RGS7: variants seen among roughly 807,000 people sequenced by gnomAD.
The protein encoded by RGS7 is regulator of G-protein signaling 7.
A neutral mutation model predicts 81.1 loss-of-function variants in RGS7; 27 were observed. That is an observed-to-expected ratio of 0.33 (90% CI 0.25 to 0.46). The LOEUF is 0.46. Ranked by LOEUF, RGS7 falls within the 20% of genes least tolerant of loss-of-function variation. The pLI is 1.00. For missense variants in RGS7, 396 were observed against 607.4 expected (o/e 0.65, Z 3.66); for synonymous variants, 208 against 207.7 (o/e 1.00, Z -0.01).
At chr1:240,885,443 A>G (rs1369023949) in intron 6 of RGS7, among the ~76,000 whole-genome samples, 7 of 152,184 alleles carry the variant, frequency 4.6e-5, no homozygotes, top group Admixed American at 3.9e-4. Context: ...ATAAAGACAC[A>G]TGCCAATGTT....
intron 2 of RGS7, among the ~76,000 whole-genome samples, chr1:241,182,943 T>A (rs2071763034): frequency 7.0e-6 from 1 of 143,710 alleles, no homozygotes; most frequent in Non-Finnish European, 1.6e-5. Context: ...CAAACGTTTT[T>A]CTTTTTTTTT....
In RGS7 at chr1:240,816,380, G is replaced by C. The variant is rs760219259; in HGVS notation, c.720C>G (p.His240Gln). Residue 240 changes from histidine to glutamine, a missense_variant, in exon 11 of 19, where the codon CAC becomes CAG. Coordinates refer to ENST00000440928, the MANE Select transcript of RGS7 (RefSeq NM_001364886.1). ...VYGLQNDIRS[H>Q]SPTHTPTPET... is the part of the protein sequence containing the mutation. Reference sequence around the variant, plus strand: ...CTGGTGTGGGTGTGTGGGTAGGACTGTGACTTCTAATATCATTTTGTAAAC... The same window carrying C: ...CTGGTGTGGGTGTGTGGGTAGGACTCTGACTTCTAATATCATTTTGTAAAC... The C allele has an allele frequency of 1.9e-6, 3 of 1,610,304 alleles. No homozygotes were observed. The South Asian group carries it at 3.3e-5, about 18-fold the overall frequency.
intron 2 of RGS7, among the ~76,000 whole-genome samples, chr1:241,209,724 C>A (rs2074134139): frequency 1.3e-5 from 2 of 152,194 alleles, no homozygotes; most frequent in South Asian, 4.2e-4. Flanking sequence ...GTAGTCCCAG[C>A]TACTCAGGAG....
At chr1:240,888,863 G>A (rs139051656) in intron 6 of RGS7, among the ~76,000 whole-genome samples, 36 of 152,218 alleles carry the variant, frequency 2.4e-4, no homozygotes, top group African/African-American at 8.2e-4. Flanking sequence ...TAGGGAACGC[G>A]GAGGCAGAGA....
chr1:241,086,377 G>A (rs2063445928), intron 3 of RGS7, among the ~76,000 whole-genome samples: 1 of 152,046 alleles, frequency 6.6e-6, no homozygotes, highest in South Asian at 2.1e-4. Context: ...TGTTGGTAGG[G>A]CCTTCTCCCT....
chr1:240,794,488 G>A (rs1269815098), intron 18 of RGS7, among the ~76,000 whole-genome samples: 2 of 152,182 alleles, frequency 1.3e-5, no homozygotes, highest in Non-Finnish European at 2.9e-5. Flanking sequence ...GATTATTTAT[G>A]GGGAACAAAT....
At chr1:241,225,696 TCTTAAAGTTC>T (rs1247999188) in intron 2 of RGS7, among the ~76,000 whole-genome samples, 1 of 152,212 alleles carries the variant, frequency 6.6e-6, no homozygotes, top group Non-Finnish European at 1.5e-5. Context: ...TTAGTAAGTA[TCTTAAAGTTC>T]ATGTTGACAG....
chr1:241,282,207 A>G (rs1441285917), intron 2 of RGS7, among the ~76,000 whole-genome samples: 1 of 152,190 alleles, frequency 6.6e-6, no homozygotes, highest in East Asian at 1.9e-4. Flanking sequence ...ATGCCCATGC[A>G]TACACCATGT....
At chr1:241,266,349 T>C (rs2077592320) in intron 2 of RGS7, among the ~76,000 whole-genome samples, 1 of 152,188 alleles carries the variant, frequency 6.6e-6, no homozygotes, top group African/African-American at 2.4e-5. Context: ...TGCCAGGTTT[T>C]TGTGATTTTC....
chr1:241,337,915 A>G (rs1204072243), intron 2 of RGS7, among the ~76,000 whole-genome samples: 1 of 152,222 alleles, frequency 6.6e-6, no homozygotes, highest in Non-Finnish European at 1.5e-5. Context: ...ATTTTCCATA[A>G]GCTCACTATT....
intron 2 of RGS7, among the ~76,000 whole-genome samples, chr1:241,240,854 T>C (rs987848152): frequency 3.3e-5 from 5 of 152,184 alleles, no homozygotes; most frequent in African/African-American, 9.6e-5. Context: ...CCCTACTCCC[T>C]GAGCCCTTTC....
chr1:240,901,704 T>G (rs1316142410), intron 6 of RGS7, among the ~76,000 whole-genome samples: 1 of 152,204 alleles, frequency 6.6e-6, no homozygotes, highest in Non-Finnish European at 1.5e-5. Flanking sequence ...CTGTCTTTCT[T>G]CTGGGGTCTC....
chr1:241,356,353 G>C (rs549465630), intron 1 of RGS7, among the ~76,000 whole-genome samples: 12 of 152,220 alleles, frequency 7.9e-5, no homozygotes, highest in African/African-American at 2.9e-4. Flanking sequence ...CTATTCCCCC[G>C]GGTCTCCCAC....
intron 2 of RGS7, among the ~76,000 whole-genome samples, chr1:241,166,770 G>A (rs898827922): frequency 6.6e-6 from 1 of 152,132 alleles, no homozygotes; most frequent in South Asian, 2.1e-4. Context: ...ATTCTGCAAT[G>A]TCCTTTTTTG....
chr1:240,882,672 CTGT>C (rs1300427921), intron 6 of RGS7, among the ~76,000 whole-genome samples: 2 of 152,112 alleles, frequency 1.3e-5, no homozygotes, highest in African/African-American at 4.8e-5. Flanking sequence ...AAATATGCTT[CTGT>C]TCTTTGAAGT....
At chr1:241,297,058 T>C (rs1054210045) in intron 2 of RGS7, among the ~76,000 whole-genome samples, 1 of 152,206 alleles carries the variant, frequency 6.6e-6, no homozygotes, top group Non-Finnish European at 1.5e-5. Context: ...GTCTTGTTCA[T>C]GTCCCTGTTG....
chr1:241,239,406 T>C (rs2177114), intron 2 of RGS7, among the ~76,000 whole-genome samples: 2,628 of 152,242 alleles, frequency 0.017, 82 homozygotes, highest in African/African-American at 0.06. Context: ...CTCTCCACCT[T>C]ACATGCAGAG....
At chr1:241,096,998 G>A (rs1164108289) in intron 3 of RGS7, among the ~76,000 whole-genome samples, 13 of 152,086 alleles carry the variant, frequency 8.5e-5, no homozygotes, top group South Asian at 6.2e-4. Flanking sequence ...TTTTATATGC[G>A]TGTTTAGATG....
In RGS7 at chr1:241,271,966, CCTGA is replaced by C. The variant is rs954933783; in HGVS notation, c.78+83729_78+83732del. The stretch of plus-strand genomic sequence containing the variant: ...TATTGGTTCTGTTTCTCTGGAGAAC[CCTGA>C]CTACTAGAATTTCTTTTTTTTTTTT... On this transcript the variant is annotated intron_variant, in intron 2 of 18. Transcript: ENST00000440928. This position sits in a 1 kb window ranked among gnomAD's most constrained non-coding sequence, Gnocchi z 4.6. Among the ~76,000 whole-genome samples, 7 of 145,500 alleles carry C rather than the reference CCTGA, an allele frequency of 4.8e-5. No individual in the cohort carries two copies. The highest frequency in any genetic ancestry group is 1.1e-4 in the Non-Finnish European group (7 of 66,542).
Sources: allele counts gnomAD v4.1 joint callset (sites outside exome capture counted in the v4.1 genomes callset), GRCh38; gene constraint gnomAD v4.1.1; non-coding constraint Gnocchi (gnomAD v3.1); transcripts MANE v1.5; gene names NCBI Gene and HGNC (gene_info 2026-07-23, HGNC 2026-07-21).